The following ALDH1A1 variants were observed in gnomAD, a reference collection of about 807,000 sequenced individuals.
ALDH1A1 encodes aldehyde dehydrogenase 1 family member A1.
In ALDH1A1, 19 loss-of-function variants were observed where a neutral mutation model predicts 62.1. The ratio of observed to expected loss-of-function variants is 0.31; its 90% CI spans 0.21 to 0.45. The LOEUF (loss-of-function observed/expected upper bound fraction) is 0.45, where lower values mean the gene tolerates loss of function less well. Ranked by LOEUF, ALDH1A1 falls within the 20% of genes least tolerant of loss-of-function variation. The pLI is 1.00. For missense variants in ALDH1A1, 521 were observed against 607.1 expected, an observed-to-expected ratio of 0.86 and a Z score of 1.49; for synonymous variants, 231 against 215.9, an observed-to-expected ratio of 1.07 and a Z score of -0.61.
chr9:72,901,093 GC>G lies in ALDH1A1; in HGVS notation c.*114del. 1.5e-6 allele frequency: 1 copy of G among 659,244 alleles called. No individual in the cohort carries two copies. 40.8% of individuals were successfully genotyped at this position (659,244 alleles called of 1,614,324 possible). ...GTAGTATTAATACTAATATGATTTA[GC>G]TTATGTTTAAAAAAATCAAGAAAAG... On this transcript the variant is annotated 3_prime_UTR_variant, in exon 13 of 13. Transcript: ENST00000297785.
chr9:72,911,489 T>C (rs2118495535), intron 10 of ALDH1A1, among the ~76,000 whole-genome samples: 1 of 152,298 alleles, frequency 6.6e-6, no homozygotes. Flanking sequence ...TTTGAATCCT[T>C]TGACCAACAT....
chr9:72,933,534 C>CTGAGAT (rs2118551847), intron 2 of ALDH1A1, among the ~76,000 whole-genome samples: 1 of 139,844 alleles, frequency 7.2e-6, no homozygotes, highest in African/African-American at 2.7e-5. Flanking sequence ...TTGCAGTGAG[C>CTGAGAT]TGAGATTGCA....
intron 12 of ALDH1A1, among the ~76,000 whole-genome samples, chr9:72,904,368 G>T (rs535534261): frequency 6.6e-6 from 1 of 152,172 alleles, no homozygotes; most frequent in East Asian, 1.9e-4. Context: ...TGTATCATAT[G>T]TTACTCTGAA....
At chr9:72,934,266 T>G (rs1387034978) in intron 2 of ALDH1A1, among the ~76,000 whole-genome samples, 1 of 152,188 alleles carries the variant, frequency 6.6e-6, no homozygotes, top group Admixed American at 6.5e-5. Context: ...ATCCTTCCTT[T>G]CAGTTTTCAC....
In ALDH1A1 at chr9:72,930,902, C is replaced by T. The variant is rs769516761; in HGVS notation, c.289G>A (p.Glu97Lys). The change falls in exon 3 of 13, where the codon GAA (glutamate) becomes AAA (lysine). Residue 97 changes from glutamate (E) to lysine (K), a missense_variant. Coordinates refer to ENST00000297785, the MANE Select transcript of ALDH1A1 (RefSeq NM_000689.5). Reference sequence around the variant, plus strand: ...ACCGCCAGCAGCAGACGATCTCTTTCGATTAAATCAGCCAACTTGTATAAT... The same window carrying T: ...ACCGCCAGCAGCAGACGATCTCTTTTGATTAAATCAGCCAACTTGTATAAT... Reference protein sequence around the residue: ...RLLYKLADLIERDRLLLATME... With the variant: ...RLLYKLADLIKRDRLLLATME... The T allele has an allele frequency of 2.5e-6, 4 of 1,613,890 alleles. No individual in the cohort carries two copies. Among genetic ancestry groups the T allele is most frequent in the African/African-American group, 1.3e-5 (1 of 74,898 alleles).
chr9:72,946,537 T>C (rs1830476715), intron 1 of ALDH1A1, among the ~76,000 whole-genome samples: 1 of 152,002 alleles, frequency 6.6e-6, no homozygotes, highest in African/African-American at 2.4e-5. Flanking sequence ...TATACATCTA[T>C]ACACCCAAAA....
At chr9:72,906,689 A>T (rs1273960398) in intron 11 of ALDH1A1, among the ~76,000 whole-genome samples, 3 of 152,226 alleles carry the variant, frequency 2.0e-5, no homozygotes, top group African/African-American at 7.2e-5. Flanking sequence ...GGAAAATTAG[A>T]ATGCAGTTTT....
chr9:72,936,665 T>G (rs1298801225), intron 2 of ALDH1A1, among the ~76,000 whole-genome samples: 1 of 152,202 alleles, frequency 6.6e-6, no homozygotes, highest in South Asian at 2.1e-4. Flanking sequence ...GAATGGCTTA[T>G]AGGGCACAGG....
At chr9:72,949,968 A>T (rs1406756716) in intron 1 of ALDH1A1, among the ~76,000 whole-genome samples, 10 of 151,840 alleles carry the variant, frequency 6.6e-5, no homozygotes, top group Non-Finnish European at 1.2e-4. Context: ...TTGGAACTTC[A>T]CTCTGATGCA....
At chr9:72,920,795 G>C (rs1447588557) in intron 7 of ALDH1A1, among the ~76,000 whole-genome samples, 2 of 152,194 alleles carry the variant, frequency 1.3e-5, no homozygotes, top group Non-Finnish European at 2.9e-5. Context: ...TTTTCTCAAA[G>C]GAGTATGCAA....
At chr9:72,923,463 C>T (rs571046414) in intron 7 of ALDH1A1, among the ~76,000 whole-genome samples, 19 of 152,242 alleles carry the variant, frequency 1.2e-4, no homozygotes, top group African/African-American at 4.1e-4. Context: ...TTCTAGTCTG[C>T]TCTCCCTCCT....
At position 72,901,235 on chromosome 9, in the gene ALDH1A1, T is replaced by C; in HGVS notation, c.1479A>G (p.Thr493=). 1 of 1,610,594 alleles carries C rather than the reference T, an allele frequency of 6.2e-7. No homozygotes were observed. The highest frequency in any genetic ancestry group is 8.5e-7 in the Non-Finnish European group (1 of 1,178,180). Residue 493 remains threonine, a synonymous_variant, in exon 13 of 13, where the codon ACA becomes ACG. Transcript: ENST00000297785. ...ATGAGTTCTTCTGAGAGATTTTCACTGTGACTGTTTTGACCTCTGTATATT... is the reference window on the plus strand; with the variant it reads ...ATGAGTTCTTCTGAGAGATTTTCACCGTGACTGTTTTGACCTCTGTATATT... ...FHEYTEVKTV[T]VKISQKNS
chr9:72,945,853 T>A (rs1830467844), intron 1 of ALDH1A1, among the ~76,000 whole-genome samples: 1 of 151,998 alleles, frequency 6.6e-6, no homozygotes, highest in African/African-American at 2.4e-5. Flanking sequence ...AATTTTTAAC[T>A]GTCATCAAAT....
intron 2 of ALDH1A1, among the ~76,000 whole-genome samples, chr9:72,937,869 A>G (rs542188523): frequency 6.6e-6 from 1 of 152,294 alleles, no homozygotes; most frequent in African/African-American, 2.4e-5. Flanking sequence ...CTGAATCTGA[A>G]AGCCAGTGAC....
At chr9:72,926,427 C>T (rs897590219) in intron 5 of ALDH1A1, among the ~76,000 whole-genome samples, 11 of 152,180 alleles carry the variant, frequency 7.2e-5, no homozygotes, top group Non-Finnish European at 1.5e-4. Flanking sequence ...AAGGACTTCG[C>T]TACCATTTTT....
chr9:72,922,420 A>G (rs1378228818), intron 7 of ALDH1A1, among the ~76,000 whole-genome samples: 1 of 152,154 alleles, frequency 6.6e-6, no homozygotes, highest in African/African-American at 2.4e-5. Context: ...GGATGAGCGA[A>G]GACAAACTGA....
chr9:72,945,207 T>C (rs1343035547), intron 1 of ALDH1A1, among the ~76,000 whole-genome samples: 1 of 152,064 alleles, frequency 6.6e-6, no homozygotes, highest in African/African-American at 2.4e-5. Context: ...TTTTGACTAG[T>C]GGCAAAATAA....
chr9:72,916,156 T>A (rs1830060156), intron 9 of ALDH1A1, among the ~76,000 whole-genome samples: 2 of 152,132 alleles, frequency 1.3e-5, no homozygotes, highest in African/African-American at 2.4e-5. Flanking sequence ...ACTTAAAATA[T>A]CCCTAGACAT....
intron 1 of ALDH1A1, among the ~76,000 whole-genome samples, chr9:72,948,625 G>C (rs1185781377): frequency 6.6e-6 from 1 of 151,734 alleles, no homozygotes; most frequent in African/African-American, 2.4e-5. Context: ...CTCATCAAAA[G>C]CTCTTCTACT....
Sources: allele counts gnomAD v4.1 joint callset (sites outside exome capture counted in the v4.1 genomes callset), GRCh38; gene constraint gnomAD v4.1.1; transcripts MANE v1.5; gene names NCBI Gene and HGNC (gene_info 2026-07-23, HGNC 2026-07-21).